STAG2: variants seen among roughly 807,000 people sequenced by gnomAD.
STAG2 encodes STAG2 cohesin complex component.
STAG2 carries 14 observed loss-of-function variants against 108.1 expected under a neutral mutation model. That is an observed-to-expected ratio of 0.13 (90% CI 0.09 to 0.20). The LOEUF (loss-of-function observed/expected upper bound fraction) is 0.20. STAG2 is among the 10% of genes least tolerant of loss of function. STAG2 has a pLI of 1.00. For missense variants in STAG2, 440 were observed against 940.9 expected, an observed-to-expected ratio of 0.47 and a Z score of 6.96; for synonymous variants, 307 against 302.7, an observed-to-expected ratio of 1.01 and a Z score of -0.15.
intron 1 of STAG2, among the ~76,000 whole-genome samples, chrX:124,000,503 T>G (rs895686755): frequency 1.1e-4 from 12 of 109,736 alleles, no homozygotes; most frequent in Non-Finnish European, 1.7e-4. Context: ...GATGCCATCT[T>G]TACAAGAAAA....
chrX:123,967,622 G>T (rs762575809), intron 1 of STAG2, among the ~76,000 whole-genome samples: 1 of 110,540 alleles, frequency 9.0e-6, no homozygotes, highest in African/African-American at 3.3e-5. Flanking sequence ...TACCTTCTGA[G>T]AAATGCATCT....
intron 9 of STAG2, among the ~76,000 whole-genome samples, chrX:124,047,829 A>G (rs1393031123): frequency 1.8e-5 from 2 of 111,866 alleles, no homozygotes; most frequent in Non-Finnish European, 3.8e-5. Context: ...TTCACAATTA[A>G]AATCACTTTG....
chrX:124,070,459 C>T (rs890732259), intron 24 of STAG2, among the ~76,000 whole-genome samples: 2 of 111,561 alleles, frequency 1.8e-5, no homozygotes, highest in Non-Finnish European at 3.8e-5. Context: ...TTTCATTACC[C>T]CTTCCCAACA....
rs1248025517 is a variant in STAG2, at chrX:123,983,959, A to ATTTTC, written c.-163+22118_-163+22122dup. Among the ~76,000 whole-genome samples the ATTTTC allele has an allele frequency of 1.7e-3, 133 of 77,901 alleles. 1 individual carries two copies. Among genetic ancestry groups the ATTTTC allele is most frequent in the Non-Finnish European group, 2.0e-3 (85 of 42,050 alleles). The allele number at this position is 77,901 out of a possible 115,157, so 67.6% of individuals were successfully genotyped here. On this transcript the variant is annotated intron_variant, in intron 1 of 34. Coordinates refer to ENST00000371145, the MANE Select transcript of STAG2 (RefSeq NM_001042750.2). ...TTTAACCTGTGTCAGAAAAAGAATA[A>ATTTTC]TTTTCTTTTCTTTTCTTTTTTTTTT...
chrX:124,078,784 C>T (rs2058868705), intron 27 of STAG2, among the ~76,000 whole-genome samples: 1 of 110,016 alleles, frequency 9.1e-6, no homozygotes, highest in African/African-American at 3.3e-5. Flanking sequence ...GCCTGGCCAA[C>T]ATGGTGAAAC....
intron 1 of STAG2, among the ~76,000 whole-genome samples, chrX:123,973,844 C>CA (rs1340971234): frequency 1.2e-3 from 104 of 85,615 alleles, no homozygotes; most frequent in East Asian, 2.1e-3. Flanking sequence ...AACTCCCTCT[C>CA]AAAAAAAAAA....
At chrX:123,980,259 A>C (rs1199921352) in intron 1 of STAG2, among the ~76,000 whole-genome samples, 1 of 111,337 alleles carries the variant, frequency 9.0e-6, no homozygotes, top group African/African-American at 3.3e-5. Context: ...ATCATTATGC[A>C]TAGTGTACAT....
intron 1 of STAG2, among the ~76,000 whole-genome samples, chrX:123,997,685 G>A (rs750335907): frequency 8.9e-6 from 1 of 112,388 alleles, no homozygotes; most frequent in African/African-American, 3.2e-5. Flanking sequence ...TCACCTAGGC[G>A]GGAGTGCATT....
rs185482664 is a variant in STAG2 at position 123,967,899 on chromosome X, C to T, written c.-163+6043C>T. ...CAGCTCCCTTATAATCTTATGGGAC[C>T]ACTGTCTTTTTTTTTTTTTTAGATG... is the stretch of plus-strand genomic sequence containing the variant. On this transcript the variant is annotated intron_variant, in intron 1 of 34. Transcript: ENST00000371145. Among the ~76,000 whole-genome samples, 8 of 109,518 alleles carry T rather than the reference C, an allele frequency of 7.3e-5. No homozygotes were observed. The East Asian group carries it at 8.6e-4, about 12-fold the overall frequency.
In STAG2 at chrX:124,050,172, C is replaced by A; in HGVS notation, c.894-14C>A. The A allele has an allele frequency of 8.3e-7, 1 of 1,204,258 alleles. No individual in the cohort carries two copies. The highest frequency in any genetic ancestry group is 1.7e-5 in the African/African-American group (1 of 57,530). On this transcript the variant is annotated splice_polypyrimidine_tract_variant and intron_variant, in intron 10 of 34. Coordinates refer to ENST00000371145, the MANE Select transcript of STAG2 (RefSeq NM_001042750.2). ...TGGCACTAATTATGCATCGTTTTTC[C>A]TTCCCCCATTCAGTGATGCGATAGC... is the stretch of plus-strand genomic sequence containing the variant.
intron 27 of STAG2, among the ~76,000 whole-genome samples, chrX:124,080,111 A>T (rs1380901737): frequency 3.6e-5 from 4 of 111,663 alleles, no homozygotes; most frequent in Non-Finnish European, 1.9e-5. Flanking sequence ...TCACATACTT[A>T]CTTGTGGTAA....
intron 17 of STAG2, 79 bp downstream of exon 17, chrX:124,061,953 C>A (rs1276342923): frequency 1.8e-5 from 14 of 771,245 alleles, no homozygotes; most frequent in Middle Eastern, 6.2e-4. Flanking sequence ...TCCATTTTAG[C>A]CATGAAACAA....
At chrX:124,015,754 G>C (rs781571757) in intron 1 of STAG2, among the ~76,000 whole-genome samples, 45 of 111,948 alleles carry the variant, frequency 4.0e-4, no homozygotes, top group Non-Finnish European at 7.5e-4. Context: ...TCCACATTTT[G>C]GGTTAGCTTT....
chrX:123,976,523 G>A (rs1380486819), intron 1 of STAG2, among the ~76,000 whole-genome samples: 2 of 109,075 alleles, frequency 1.8e-5, no homozygotes, highest in African/African-American at 3.3e-5. Flanking sequence ...TGAAACCTTC[G>A]TTTTTTTTTA....
intron 4 of STAG2, 59 bp downstream of exon 4, chrX:124,025,977 T>G: frequency 1.1e-6 from 1 of 869,967 alleles, no homozygotes; most frequent in Non-Finnish European, 1.6e-6. Context: ...CACACAGATT[T>G]AAGTTATGTC....
chrX:124,026,286 A>G (rs2057101461), intron 4 of STAG2, among the ~76,000 whole-genome samples: 1 of 110,764 alleles, frequency 9.0e-6, no homozygotes, highest in African/African-American at 3.3e-5. Flanking sequence ...CAATATATAA[A>G]ATCTTTAAAG....
At chrX:124,064,568 T>C (rs1007070528) in intron 20 of STAG2, among the ~76,000 whole-genome samples, 2 of 109,330 alleles carry the variant, frequency 1.8e-5, no homozygotes, top group East Asian at 2.9e-4. Flanking sequence ...CTCAGTCTTC[T>C]GAGTAGCTGG....
chrX:124,071,406 A>G, intron 25 of STAG2, 83 bp downstream of exon 25: 1 of 778,312 alleles, frequency 1.3e-6, no homozygotes, highest in Non-Finnish European at 1.8e-6. Flanking sequence ...TCGGTGCACT[A>G]AAATATATTT....
chrX:123,984,656 T>A (rs1309042439), intron 1 of STAG2, among the ~76,000 whole-genome samples: 1 of 110,918 alleles, frequency 9.0e-6, no homozygotes, highest in East Asian at 2.8e-4. Flanking sequence ...TTAATTTAAA[T>A]TTTTTTTTGA....
Sources: allele counts gnomAD v4.1 joint callset (sites outside exome capture counted in the v4.1 genomes callset), GRCh38; gene constraint gnomAD v4.1.1; transcripts MANE v1.5; gene names NCBI Gene and HGNC (gene_info 2026-07-23, HGNC 2026-07-21).